The following BMPR1B variants were observed in gnomAD, a reference collection of about 807,000 sequenced individuals.
The protein encoded by BMPR1B is bone morphogenetic protein receptor type 1B.
Under a neutral mutation model 59.1 loss-of-function variants are expected in BMPR1B, and 12 were observed. The ratio of observed to expected loss-of-function variants is 0.20; its 90% CI spans 0.13 to 0.33. The LOEUF (loss-of-function observed/expected upper bound fraction) is 0.33. Ranked by LOEUF, BMPR1B falls within the 10% of genes least tolerant of loss-of-function variation. The probability of loss-of-function intolerance (pLI) is 1.00; values close to 1 mark genes in which losing one functional copy is unlikely to be tolerated. For synonymous variants in BMPR1B, 237 were observed against 207.3 expected (o/e 1.14, Z -1.23); for missense variants, 550 against 610.9 (o/e 0.90, Z 1.05).
intron 3 of BMPR1B, among the ~76,000 whole-genome samples, chr4:95,097,149 A>G (rs1041411158): frequency 6.8e-6 from 1 of 148,146 alleles, no homozygotes; most frequent in African/African-American, 2.5e-5. Flanking sequence ...ACTAATATAT[A>G]TGTAACTATA....
At chr4:95,017,511 CT>C (rs1723662844) in intron 3 of BMPR1B, among the ~76,000 whole-genome samples, 2 of 152,208 alleles carry the variant, frequency 1.3e-5, no homozygotes, top group Admixed American at 6.5e-5. Context: ...ACATTCAGTT[CT>C]TGGGCTTCAC....
chr4:94,994,657 G>A (rs1721946679), intron 2 of BMPR1B, among the ~76,000 whole-genome samples: 1 of 151,090 alleles, frequency 6.6e-6, no homozygotes, highest in African/African-American at 2.4e-5. Flanking sequence ...AAGGAGAGGT[G>A]GATTTCAAAT....
chr4:94,981,636 C>A (rs116487498), intron 2 of BMPR1B, among the ~76,000 whole-genome samples: 243 of 152,192 alleles, frequency 1.6e-3, no homozygotes, highest in Admixed American at 3.3e-3. Context: ...AAATAAGAAC[C>A]TAAATTGACA....
At chr4:95,113,146 C>T (rs573719315) in intron 4 of BMPR1B, among the ~76,000 whole-genome samples, 14 of 152,160 alleles carry the variant, frequency 9.2e-5, no homozygotes, top group Middle Eastern at 3.4e-3. Flanking sequence ...TTATTCCCTT[C>T]GGTGTTTACA....
intron 2 of BMPR1B, among the ~76,000 whole-genome samples, chr4:94,959,570 C>G (rs1050599502): frequency 1.3e-5 from 2 of 152,066 alleles, no homozygotes; most frequent in African/African-American, 4.8e-5. Context: ...CATATTTTTA[C>G]CATTATTATT....
intron 1 of BMPR1B, among the ~76,000 whole-genome samples, chr4:94,834,498 G>A (rs930402680): frequency 6.7e-6 from 1 of 149,404 alleles, no homozygotes; most frequent in Admixed American, 6.6e-5. Flanking sequence ...GAAAAGCCAA[G>A]GAAGGATTTT....
At chr4:94,936,423 A>G (rs1319764906) in intron 2 of BMPR1B, among the ~76,000 whole-genome samples, 1 of 152,088 alleles carries the variant, frequency 6.6e-6, no homozygotes, top group Non-Finnish European at 1.5e-5. Flanking sequence ...GAATTTTTGT[A>G]CCCATTGTCG....
intron 2 of BMPR1B, among the ~76,000 whole-genome samples, chr4:94,908,784 T>G (rs1003832988): frequency 2.0e-5 from 3 of 151,994 alleles, no homozygotes; most frequent in Non-Finnish European, 2.9e-5. Context: ...TTTAAAAACA[T>G]TATAAAAACC....
chr4:94,918,261 A>T (rs946869085), intron 2 of BMPR1B, among the ~76,000 whole-genome samples: 1 of 152,136 alleles, frequency 6.6e-6, no homozygotes, highest in Non-Finnish European at 1.5e-5. Flanking sequence ...AGGCAGTTCT[A>T]TTAAAATCAA....
chr4:94,975,363 G>GTTTTTTTTT lies in BMPR1B; in HGVS notation c.-112-20667_-112-20659dup, dbSNP rs763655134. On this transcript the variant is annotated intron_variant, in intron 2 of 12. Transcript: ENST00000515059. ...AAAATCTTAATTTCCTTTTGTTTTT[G>GTTTTTTTTT]TTTTTTTTTTTTTTTTTTGAGACGG... is the stretch of plus-strand genomic sequence containing the variant. Among the ~76,000 whole-genome samples, 257 of 111,600 alleles carry GTTTTTTTTT rather than the reference G, an allele frequency of 2.3e-3. 11 individuals are homozygous for GTTTTTTTTT. The highest frequency in any genetic ancestry group is 0.012 in the East Asian group (38 of 3,096). The allele number at this position is 111,600 out of a possible 152,430, so 73.2% of individuals were successfully genotyped here. A position where few individuals can be genotyped will look rare whatever the true frequency, so the allele number is the denominator to read the frequency against.
chr4:94,857,410 T>C (rs1261968173), intron 1 of BMPR1B, among the ~76,000 whole-genome samples: 3 of 152,190 alleles, frequency 2.0e-5, no homozygotes, highest in African/African-American at 7.2e-5. Context: ...GTTACACACA[T>C]ATAGTAAGAT....
At chr4:95,051,844 G>T in intron 3 of BMPR1B, 1 of 1,442,178 alleles carries the variant, frequency 6.9e-7, no homozygotes, top group Admixed American at 2.0e-5. Context: ...GGCTTTTATC[G>T]CAGAAGGGAA....
intron 3 of BMPR1B, among the ~76,000 whole-genome samples, chr4:95,082,076 G>A (rs1179197974): frequency 6.6e-6 from 1 of 150,814 alleles, no homozygotes; most frequent in Admixed American, 6.6e-5. Flanking sequence ...CTGGTGTGCT[G>A]CACCCATTAA....
chr4:95,137,861 A>G (rs555399602), intron 10 of BMPR1B, among the ~76,000 whole-genome samples: 80 of 152,104 alleles, frequency 5.3e-4, no homozygotes, highest in Admixed American at 1.2e-3. Context: ...TCTTTATCCA[A>G]TTTGCCAGTC....
At chr4:94,859,311 C>T (rs1395302211) in intron 1 of BMPR1B, among the ~76,000 whole-genome samples, 1 of 152,140 alleles carries the variant, frequency 6.6e-6, no homozygotes, top group Admixed American at 6.5e-5. Context: ...AAAAAAACTT[C>T]CGTCTTTTAA....
intron 1 of BMPR1B, among the ~76,000 whole-genome samples, chr4:94,805,452 G>T (rs1477023490): frequency 6.6e-6 from 1 of 152,082 alleles, no homozygotes; most frequent in Non-Finnish European, 1.5e-5. Flanking sequence ...AAACAGCCTT[G>T]ACTTTTCCTT....
At chr4:95,067,844 G>A (rs1257129846) in intron 3 of BMPR1B, among the ~76,000 whole-genome samples, 1 of 152,124 alleles carries the variant, frequency 6.6e-6, no homozygotes, top group Non-Finnish European at 1.5e-5. Context: ...GATGGAGGTC[G>A]CGGGGGCAAA....
In BMPR1B at chr4:95,043,709, AGT is replaced by A. The variant is rs369465853; in HGVS notation, c.-18+47578_-18+47579del. 5.8e-3 allele frequency among the ~76,000 whole-genome samples: 879 copies of A among 152,304 alleles called. 11 individuals are homozygous for A. Among genetic ancestry groups the A allele is most frequent in the African/African-American group, 0.02 (851 of 41,562 alleles). ...CTGAAATGATGCCCTCCAAGTATGG[AGT>A]GTTGCAATATTTTAAGAGAACACAG... On this transcript the variant is annotated intron_variant, in intron 3 of 12. Coordinates refer to ENST00000515059, the MANE Select transcript of BMPR1B (RefSeq NM_001203.3).
In BMPR1B at chr4:94,902,494, G is replaced by C. The variant is rs181198962; in HGVS notation, c.-113+26594G>C. Among the ~76,000 whole-genome samples the C allele has an allele frequency of 2.4e-3, 370 of 152,010 alleles. 1 individual carries two copies. The highest frequency in any genetic ancestry group is 8.2e-3 in the African/African-American group (339 of 41,508). On this transcript the variant is annotated intron_variant, in intron 2 of 12. Transcript: ENST00000515059. ...GTGAGAAGGATGATGGCAGCACTTA[G>C]TGGTAGTGTTTTAGCTATTATCTAG...
Sources: gnomAD v4.1 joint callset for allele counts (sites outside exome capture counted in the v4.1 genomes callset) on GRCh38, gnomAD v4.1.1 for gene constraint, MANE v1.5 for transcripts, NCBI Gene and HGNC (gene_info 2026-07-23, HGNC 2026-07-21) for gene names.